Variants in SIGLEC12 observed in about 807,000 individuals in gnomAD.
SIGLEC12 encodes sialic acid binding Ig like lectin 12.
A neutral mutation model predicts 54.1 loss-of-function variants in SIGLEC12; 43 were observed. That is an observed-to-expected ratio of 0.80 (90% CI 0.62 to 1.03). The LOEUF is 1.03. SIGLEC12 is among the 50% of genes least tolerant of loss of function. The pLI is 0.00. For missense variants in SIGLEC12, 802 were observed against 735.2 expected, an observed-to-expected ratio of 1.09 and a Z score of -1.05; for synonymous variants, 357 against 307.6, an observed-to-expected ratio of 1.16 and a Z score of -1.68.
chr19:51,497,954 C>A (rs1239912668), intron 5 of SIGLEC12, 64 bp downstream of exon 5: 3 of 1,587,186 alleles, frequency 1.9e-6, no homozygotes, highest in East Asian at 2.2e-5. Context: ...AATTCCAGGT[C>A]TCCCAGCTGG....
chr19:51,491,710 C>T lies in SIGLEC12; in HGVS notation c.1719G>A (p.Ala573=), dbSNP rs1386183006. 3 of 1,613,752 alleles carry T rather than the reference C, an allele frequency of 1.9e-6. No homozygotes were observed. The African/African-American group carries it at 4.0e-5, about 22-fold the overall frequency. ...CCTGTTCCTGTGGGTACTGAGGCCT[C>T]GCTTTGTGGAAGCTGAGGGATGCAT... is the stretch of plus-strand genomic sequence containing the variant. ...IQYASLSFHK[A]RPQYPQEQEA... The change falls in exon 8 of 8, where the codon GCG becomes GCA. Residue 573 remains alanine (A), a synonymous_variant. Transcript: ENST00000291707.
chr19:51,499,882 G>T (rs1277253325), intron 2 of SIGLEC12, 38 bp downstream of exon 2: 2 of 1,576,076 alleles, frequency 1.3e-6, no homozygotes, highest in South Asian at 1.2e-5. Context: ...CGGCCCTCGG[G>T]CCTTCCCCTC....
intron 7 of SIGLEC12, among the ~76,000 whole-genome samples, chr19:51,495,413 G>GTGGATGGA (rs1276089932): frequency 1.4e-4 from 6 of 41,520 alleles, no homozygotes; most frequent in African/African-American, 4.2e-4. Context: ...GGGTGGGTGG[G>GTGGATGGA]TGGATGGATG....
chr19:51,499,861 G>A (rs996222968), intron 2 of SIGLEC12, 59 bp downstream of exon 2: 22 of 1,561,186 alleles, frequency 1.4e-5, no homozygotes, highest in Middle Eastern at 3.4e-4. Context: ...TCCCACCTCA[G>A]CCCTACCCTG....
At chr19:51,495,137 ATGGGTGGATGGATGGATGGACGGGTGGG>A (rs1990189306) in intron 7 of SIGLEC12, among the ~76,000 whole-genome samples, 1 of 142,876 alleles carries the variant, frequency 7.0e-6, no homozygotes. Context: ...GGATGGATGG[ATGGGTGGATGGATGGATGGACGGGTGGG>A]TGGGTGGATG....
chr19:51,500,359 C>T (rs1990364121), intron 1 of SIGLEC12, 59 bp from the exon 2 acceptor site: 1 of 1,613,536 alleles, frequency 6.2e-7, no homozygotes. Context: ...TTGCCCATAG[C>T]AGGGGCAGCA....
At chr19:51,499,890 C>G in intron 2 of SIGLEC12, 30 bp downstream of exon 2, 1 of 1,584,730 alleles carries the variant, frequency 6.3e-7, no homozygotes, top group Non-Finnish European at 8.6e-7. Context: ...GGGCCTTCCC[C>G]TCTGGCTGGT....
At chr19:51,501,219 C>G in intron 1 of SIGLEC12, 88 bp downstream of exon 1, 1 of 1,412,016 alleles carries the variant, frequency 7.1e-7, no homozygotes, top group Non-Finnish European at 9.9e-7. Flanking sequence ...CACCCCCGGC[C>G]CCCTCCCAGG....
chr19:51,500,419 G>A, intron 1 of SIGLEC12, 119 bp from the exon 2 acceptor site: 1 of 1,571,942 alleles, frequency 6.4e-7, no homozygotes, highest in Non-Finnish European at 8.7e-7. Flanking sequence ...GCAGAGAAGG[G>A]GGAGGGAGAG....
In SIGLEC12 at chr19:51,499,097, C is replaced by G; in HGVS notation, c.1135+73G>C. On this transcript the variant is annotated intron_variant, in intron 4 of 7. Coordinates refer to ENST00000291707, the MANE Select transcript of SIGLEC12 (RefSeq NM_053003.4). ...CACCCACAAAAGGGTCTCAGGTCAC[C>G]AGGGTGAGTCCTGGCTCTCCCCTGA... 2.6e-6 allele frequency: 4 copies of G among 1,534,124 alleles called. No homozygotes were observed. In the South Asian group the frequency reaches 4.5e-5, roughly 17 times the overall value.
rs532504299 is a variant in SIGLEC12, at chr19:51,491,677, G to A, written c.1752C>T (p.Ile584=). ...RPQYPQEQEA[I]GYEYSEINIP... ...TGTTGATCTCGGAGTACTCATAGCCGATGGCCTCCTGTTCCTGTGGGTACT... is the reference window on the plus strand; with the variant it reads ...TGTTGATCTCGGAGTACTCATAGCCAATGGCCTCCTGTTCCTGTGGGTACT... The change falls in exon 8 of 8, where the codon ATC becomes ATT. Residue 584 remains isoleucine (I), a synonymous_variant. Transcript: ENST00000291707. The A allele has an allele frequency of 4.3e-6, 7 of 1,613,442 alleles. No homozygotes were observed. The Admixed American group carries it at 6.7e-5, about 15-fold the overall frequency.
chr19:51,500,355 A>G lies in SIGLEC12; in HGVS notation c.428-55T>C, dbSNP rs777288781. 1.9e-6 allele frequency: 3 copies of G among 1,613,766 alleles called. No homozygotes were observed. In the South Asian group the frequency reaches 3.3e-5, roughly 18 times the overall value. Reference sequence around the variant, plus strand: ...CCACTGTCCCTCTCTTCATTTGCCCATAGCAGGGGCAGCAGCATCTCTGAG... The same window carrying G: ...CCACTGTCCCTCTCTTCATTTGCCCGTAGCAGGGGCAGCAGCATCTCTGAG... On this transcript the variant is annotated intron_variant, in intron 1 of 7. Coordinates refer to ENST00000291707, the MANE Select transcript of SIGLEC12 (RefSeq NM_053003.4).
rs1568532126 is a variant in SIGLEC12, at chr19:51,500,175, G to A, written c.553C>T (p.Pro185Ser). The A allele has an allele frequency of 2.5e-6, 4 of 1,614,100 alleles. No individual in the cohort carries two copies. The South Asian group carries it at 3.3e-5, about 13-fold the overall frequency. The change falls in exon 2 of 8, where the codon CCT becomes TCT. Residue 185 changes from proline (P) to serine (S), a missense_variant. Pro to Ser is a moderately conservative substitution (Grantham distance 74). Transcript: ENST00000291707. The stretch of plus-strand genomic sequence containing the variant: ...TCCTTGAACCAGGATCCATAAACAG[G>A]GCTAGAGGCAGTCCAGTTGTAATGG... Reference protein sequence around the residue: ...YPHYNWTASSPVYGSWFKEGA... With the variant: ...YPHYNWTASSSVYGSWFKEGA...
intron 7 of SIGLEC12, among the ~76,000 whole-genome samples, chr19:51,493,520 T>A (rs1034196477): frequency 6.6e-6 from 1 of 152,178 alleles, no homozygotes; most frequent in Non-Finnish European, 1.5e-5. Context: ...GCACACAAAA[T>A]GCAACCTATT....
intron 7 of SIGLEC12, among the ~76,000 whole-genome samples, chr19:51,495,648 A>T (rs1437854521): frequency 6.6e-6 from 1 of 152,204 alleles, no homozygotes; most frequent in Non-Finnish European, 1.5e-5. Flanking sequence ...AGTTTTGATT[A>T]GTTGATTGGT....
intron 5 of SIGLEC12, among the ~76,000 whole-genome samples, chr19:51,497,786 C>T (rs1356714698): frequency 6.6e-6 from 1 of 152,200 alleles, no homozygotes; most frequent in African/African-American, 2.4e-5. Flanking sequence ...CCTCACTTGC[C>T]TCACACTAGT....
rs780261496 is a variant in SIGLEC12 at position 51,498,097 on chromosome 19, C to T, written c.1326G>A (p.Gly442=). ...GGTTCTGAGCTCGGCAGGTGAATTCCCCTTCATCCTTCACATGCACTCGAG... is the reference window on the plus strand; with the variant it reads ...GGTTCTGAGCTCGGCAGGTGAATTCTCCTTCATCCTTCACATGCACTCGAG... ...ELPRVHVKDE[G]EFTCRAQNPL... Residue 442 remains glycine, a synonymous_variant, in exon 5 of 8, where the codon GGG becomes GGA. Transcript: ENST00000291707. 4.3e-6 allele frequency: 7 copies of T among 1,614,108 alleles called. No homozygotes were observed. Among genetic ancestry groups the T allele is most frequent in the Non-Finnish European group, 5.9e-6 (7 of 1,180,050 alleles).
chr19:51,491,892 T>C, intron 7 of SIGLEC12, 63 bp from the exon 8 acceptor site: 1 of 1,378,508 alleles, frequency 7.3e-7, no homozygotes, highest in Non-Finnish European at 9.7e-7. Flanking sequence ...CCAGAGAGCA[T>C]CCAGGAAGGA....
intron 5 of SIGLEC12, among the ~76,000 whole-genome samples, chr19:51,497,677 T>C (rs1431609048): frequency 6.6e-6 from 1 of 152,266 alleles, no homozygotes; most frequent in Non-Finnish European, 1.5e-5. Context: ...TTTACAATAA[T>C]TTTTAATTTT....
Sources: gnomAD v4.1 joint callset for allele counts (sites outside exome capture counted in the v4.1 genomes callset) on GRCh38, gnomAD v4.1.1 for gene constraint, MANE v1.5 for transcripts, NCBI Gene and HGNC (gene_info 2026-07-23, HGNC 2026-07-21) for gene names.